The following GPR6 variants were observed in gnomAD, a reference collection of about 807,000 sequenced individuals.
The protein encoded by GPR6 is G protein-coupled receptor 6, also known as sphingosine 1-phosphate receptor GPR6.
GPR6 carries 14 observed loss-of-function variants against 18.5 expected under a neutral mutation model. The ratio of observed to expected loss-of-function variants is 0.76; its 90% confidence interval spans 0.50 to 1.18. The LOEUF (loss-of-function observed/expected upper bound fraction) is 1.18, where lower values mean the gene tolerates loss of function less well. Ranked by LOEUF, GPR6 falls within the 50% of genes most tolerant of loss-of-function variation. GPR6 has a pLI of 0.00. For synonymous variants in GPR6, 299 were observed against 240.9 expected, an observed-to-expected ratio of 1.24 and a Z score of -2.23; for missense variants, 477 against 495.9, an observed-to-expected ratio of 0.96 and a Z score of 0.36.
chr6:109,979,803 T>C lies in GPR6; in HGVS notation c.691T>C (p.Ser231Pro). 1 of 1,601,326 alleles carries C rather than the reference T, an allele frequency of 6.2e-7. No individual in the cohort carries two copies. Among genetic ancestry groups the C allele is most frequent in the Non-Finnish European group, 8.5e-7 (1 of 1,177,928 alleles). The change falls in exon 2 of 2, where the codon TCC becomes CCC. Residue 231 changes from serine (S) to proline (P), a missense_variant. Transcript: ENST00000275169. ...PLARSHVALLSAAFFMVFGIM... is the reference protein window; with the variant it reads ...PLARSHVALLPAAFFMVFGIM... ...GGCGCGCAGCCACGTGGCTCTGCTC[T>C]CCGCCGCCTTCTTCATGGTCTTCGG...
Position 109,980,276 on chromosome 6 carries a change from C to G in GPR6, c.*75C>G. ...CTTTGGTAAGCTCGGTGCCTGCTGA[C>G]GAACTCTGAGATCCCAATGGTGTGA... On this transcript the variant is annotated 3_prime_UTR_variant, in exon 2 of 2. Transcript: ENST00000275169. The G allele has an allele frequency of 6.3e-7, 1 of 1,582,444 alleles. No homozygotes were observed. Among genetic ancestry groups the G allele is most frequent in the Non-Finnish European group, 8.6e-7 (1 of 1,162,254 alleles).
Position 109,980,050 on chromosome 6 carries a change from C to G in GPR6, c.938C>G (p.Ala313Gly). ...GAGGACCCGGCGGTCTACACTTACG[C>G]CACCCTGCTGCCCGCCACCTACAAC... Reference protein sequence around the residue: ...SHEDPAVYTYATLLPATYNSM... With the variant: ...SHEDPAVYTYGTLLPATYNSM... The change falls in exon 2 of 2, where the codon GCC (alanine) becomes GGC (glycine). Residue 313 changes from alanine to glycine, a missense_variant. Coordinates refer to ENST00000275169, the MANE Select transcript of GPR6 (RefSeq NM_005284.5). 6.2e-7 allele frequency: 1 copy of G among 1,614,058 alleles called. No homozygotes were observed. Among genetic ancestry groups the G allele is most frequent in the Non-Finnish European group, 8.5e-7 (1 of 1,180,034 alleles).
chr6:109,979,823 C>T lies in GPR6; in HGVS notation c.711C>T (p.Val237=), dbSNP rs761479274. 146 of 1,605,270 alleles carry T rather than the reference C, an allele frequency of 9.1e-5. 2 individuals are homozygous for T. In the Middle Eastern group the frequency reaches 1.3e-3, roughly 14 times the overall value. ...VALLSAAFFM[V]FGIMLHLYVR... is the part of the protein sequence containing the mutation. ...TGCTCTCCGCCGCCTTCTTCATGGT[C>T]TTCGGCATCATGCTGCACCTGTACG... is the stretch of plus-strand genomic sequence containing the variant. The change falls in exon 2 of 2, where the codon GTC becomes GTT. Residue 237 remains valine, a synonymous_variant. Transcript: ENST00000275169.
Position 109,980,268 on chromosome 6 carries a change from C to A in GPR6, c.*67C>A. On this transcript the variant is annotated 3_prime_UTR_variant, in exon 2 of 2. Coordinates refer to ENST00000275169, the MANE Select transcript of GPR6 (RefSeq NM_005284.5). ...AAGCCAGCCTTTGGTAAGCTCGGTG[C>A]CTGCTGACGAACTCTGAGATCCCAA... 6.3e-7 allele frequency: 1 copy of A among 1,592,206 alleles called. No homozygotes were observed. The highest frequency in any genetic ancestry group is 8.6e-7 in the Non-Finnish European group (1 of 1,169,520).
At position 109,979,093 on chromosome 6, in the gene GPR6, A is replaced by G. The variant is rs1225422664; in HGVS notation, c.-18-2A>G. ...TGACGCCTGCACTCCCTCCCTATGC[A>G]GGGTGCAAATCCGGCCGCGATGAAC... is the stretch of plus-strand genomic sequence containing the variant. On this transcript the variant is annotated splice_acceptor_variant, in intron 1 of 1. Coordinates refer to ENST00000275169, the MANE Select transcript of GPR6 (RefSeq NM_005284.5). LOFTEE classifies it low-confidence loss of function (5UTR_SPLICE). 6.4e-7 allele frequency: 1 copy of G among 1,565,990 alleles called. No individual in the cohort carries two copies. Among genetic ancestry groups the G allele is most frequent in the Admixed American group, 1.9e-5 (1 of 51,576 alleles).
Position 109,979,260 on chromosome 6 carries a change from G to A in GPR6, c.148G>A (p.Ala50Thr), listed in dbSNP as rs756507575. The change falls in exon 2 of 2, where the codon GCT (alanine) becomes ACT (threonine). Residue 50 changes from alanine to threonine, a missense_variant. Physicochemically the swap from Ala to Thr is moderately conservative, Grantham distance 58 (BLOSUM62 0). Coordinates refer to ENST00000275169, the MANE Select transcript of GPR6 (RefSeq NM_005284.5). The part of the protein sequence containing the change: ...AAAALGAGGG[A>T]NGSLELSSQL... ...GGCGGCTCTAGGAGCCGGCGGCGGAGCTAATGGGTCTCTGGAGCTGTCCTC... is the reference window on the plus strand; with the variant it reads ...GGCGGCTCTAGGAGCCGGCGGCGGAACTAATGGGTCTCTGGAGCTGTCCTC... The A allele has an allele frequency of 5.6e-6, 9 of 1,612,260 alleles. No homozygotes were observed. Among genetic ancestry groups the A allele is most frequent in the Non-Finnish European group, 7.6e-6 (9 of 1,179,754 alleles).
At position 109,980,422 on chromosome 6, in the gene GPR6, G is replaced by A. The variant is rs950084467; in HGVS notation, c.*221G>A. Reference sequence around the variant, plus strand: ...TGTGTACATATATATACAAATATTTGTATCTTCTGGAGGTGTTCAGGATGT... The same window carrying A: ...TGTGTACATATATATACAAATATTTATATCTTCTGGAGGTGTTCAGGATGT... On this transcript the variant is annotated 3_prime_UTR_variant, in exon 2 of 2. Transcript: ENST00000275169. The A allele has an allele frequency of 9.9e-6, 6 of 604,720 alleles. No individual in the cohort carries two copies. The highest frequency in any genetic ancestry group is 1.7e-5 in the Non-Finnish European group (6 of 350,034). 37.5% of individuals were successfully genotyped at this position (604,720 alleles called of 1,614,324 possible). A position where few individuals can be genotyped will look rare whatever the true frequency, so the allele number is the denominator to read the frequency against.
rs1320400189 is a variant in GPR6 at position 109,980,403 on chromosome 6, C to CAT, written c.*210_*211dup. 6.3e-6 allele frequency: 4 copies of CAT among 633,778 alleles called. No individual in the cohort carries two copies. The highest frequency in any genetic ancestry group is 1.9e-5 in the African/African-American group (1 of 54,004). The allele number at this position is 633,778 out of a possible 1,614,324, so 39.3% of individuals were successfully genotyped here. A position where few individuals can be genotyped will look rare whatever the true frequency, so the allele number is the denominator to read the frequency against. ...TACATATACAGTGTATACATGTGTA[C>CAT]ATATATATACAAATATTTGTATCTT... On this transcript the variant is annotated 3_prime_UTR_variant, in exon 2 of 2. Transcript: ENST00000275169.
In GPR6 at chr6:109,980,166, G is replaced by C. The variant is rs1562130411; in HGVS notation, c.1054G>C (p.Val352Leu). 1 of 1,614,112 alleles carries C rather than the reference G, an allele frequency of 6.2e-7. No homozygotes were observed. The highest frequency in any genetic ancestry group is 1.7e-5 in the Admixed American group (1 of 60,014). ...LLLCGCFQSK[V>L]PFRSRSPSEV is the part of the protein sequence containing the mutation. ...GCTCTGTGGCTGTTTCCAGTCCAAAGTGCCCTTTCGTTCCAGGTCTCCCAG... is the reference window on the plus strand; with the variant it reads ...GCTCTGTGGCTGTTTCCAGTCCAAACTGCCCTTTCGTTCCAGGTCTCCCAG... The change falls in exon 2 of 2, where the codon GTG (valine) becomes CTG (leucine). Residue 352 changes from valine to leucine, a missense_variant. Physicochemically the swap from Val to Leu is conservative, Grantham distance 32. Transcript: ENST00000275169.
In GPR6 at chr6:109,978,840, C is replaced by T. The variant is rs908706141; in HGVS notation, c.-18-255C>T. The T allele has an allele frequency of 3.3e-6, 5 of 1,535,680 alleles. No individual in the cohort carries two copies. In the African/African-American group the frequency reaches 5.5e-5, roughly 17 times the overall value. ...ATACAGGCAGCCTTGGAGAATTGATCCTTGTGCATGTGAGTGCATGTTGTC... is the reference window on the plus strand; with the variant it reads ...ATACAGGCAGCCTTGGAGAATTGATTCTTGTGCATGTGAGTGCATGTTGTC... On this transcript the variant is annotated intron_variant, in intron 1 of 1. Coordinates refer to ENST00000275169, the MANE Select transcript of GPR6 (RefSeq NM_005284.5).
chr6:109,979,363 C>T lies in GPR6; in HGVS notation c.251C>T (p.Thr84Ile). ...GACGTGCTCCTGTGCGTGTCGGGGACAGTGATCGCTGGAGAAAACGCGCTG... is the reference window on the plus strand; with the variant it reads ...GACGTGCTCCTGTGCGTGTCGGGGATAGTGATCGCTGGAGAAAACGCGCTG... The part of the protein sequence containing the change: ...PWDVLLCVSG[T>I]VIAGENALVV... Residue 84 changes from threonine to isoleucine, a missense_variant, in exon 2 of 2, where the codon ACA (threonine) becomes ATA (isoleucine). Transcript: ENST00000275169. 6.2e-7 allele frequency: 1 copy of T among 1,613,826 alleles called. No homozygotes were observed. Among genetic ancestry groups the T allele is most frequent in the Non-Finnish European group, 8.5e-7 (1 of 1,179,976 alleles).
In GPR6 at chr6:109,980,055, C is replaced by T; in HGVS notation, c.943C>T (p.Leu315=). 7 of 1,614,130 alleles carry T rather than the reference C, an allele frequency of 4.3e-6. No individual in the cohort carries two copies. Among genetic ancestry groups the T allele is most frequent in the Non-Finnish European group, 5.9e-6 (7 of 1,180,032 alleles). ...EDPAVYTYAT[L]LPATYNSMIN... Reference sequence around the variant, plus strand: ...CCCGGCGGTCTACACTTACGCCACCCTGCTGCCCGCCACCTACAACTCCAT... The same window carrying T: ...CCCGGCGGTCTACACTTACGCCACCTTGCTGCCCGCCACCTACAACTCCAT... Residue 315 remains leucine (L), a synonymous_variant, in exon 2 of 2, where the codon CTG becomes TTG. Transcript: ENST00000275169.
intron 1 of GPR6, chr6:109,978,777 T>C (rs984341393): frequency 1.3e-6 from 2 of 1,535,724 alleles, no homozygotes; most frequent in Admixed American, 3.9e-5. Context: ...TCTCCCAGGA[T>C]GACACTCCTA....
chr6:109,979,063 A>G, intron 1 of GPR6, 32 bp from the exon 2 acceptor site: 1 of 1,541,442 alleles, frequency 6.5e-7, no homozygotes, highest in Non-Finnish European at 8.7e-7. Flanking sequence ...CCTGAAGTGT[A>G]CACCTGACGC....
rs1231746252 is a variant in GPR6, at chr6:109,979,346, C to T, written c.234C>T (p.Leu78=). 2 of 1,613,644 alleles carry T rather than the reference C, an allele frequency of 1.2e-6. No individual in the cohort carries two copies. Among genetic ancestry groups the T allele is most frequent in the African/African-American group, 1.3e-5 (1 of 74,934 alleles). ...LLPAVNPWDV[L]LCVSGTVIAG... is the part of the protein sequence containing the mutation. ...CAGCGGTGAATCCGTGGGACGTGCT[C>T]CTGTGCGTGTCGGGGACAGTGATCG... Residue 78 remains leucine (L), a synonymous_variant, in exon 2 of 2, where the codon CTC becomes CTT. Coordinates refer to ENST00000275169, the MANE Select transcript of GPR6 (RefSeq NM_005284.5).
Position 109,978,952 on chromosome 6 carries a change from C to G in GPR6, c.-18-143C>G. 6.5e-6 allele frequency: 10 copies of G among 1,527,826 alleles called. No individual in the cohort carries two copies. In the South Asian group the frequency reaches 1.2e-4, roughly 19 times the overall value. The allele number at this position is 1,527,826 out of a possible 1,614,324, so 94.6% of individuals were successfully genotyped here. ...GTATTTATTTTGGGTTCGCACTTAA[C>G]CCATGATTCCCCGATTTGCTCTGGG... is the stretch of plus-strand genomic sequence containing the variant. On this transcript the variant is annotated intron_variant, in intron 1 of 1. Coordinates refer to ENST00000275169, the MANE Select transcript of GPR6 (RefSeq NM_005284.5).
In GPR6 at chr6:109,980,171, C is replaced by G. The variant is rs1235704837; in HGVS notation, c.1059C>G (p.Pro353=). ...LLCGCFQSKV[P]FRSRSPSEV ...GTGGCTGTTTCCAGTCCAAAGTGCC[C>G]TTTCGTTCCAGGTCTCCCAGCGAGG... The change falls in exon 2 of 2, where the codon CCC becomes CCG. Residue 353 remains proline, a synonymous_variant. Coordinates refer to ENST00000275169, the MANE Select transcript of GPR6 (RefSeq NM_005284.5). 6.2e-7 allele frequency: 1 copy of G among 1,614,112 alleles called. No individual in the cohort carries two copies. Among genetic ancestry groups the G allele is most frequent in the Non-Finnish European group, 8.5e-7 (1 of 1,180,052 alleles).
At position 109,980,242 on chromosome 6, in the gene GPR6, C is replaced by A; in HGVS notation, c.*41C>A. The A allele has an allele frequency of 3.7e-6, 6 of 1,611,354 alleles. No homozygotes were observed. The highest frequency in any genetic ancestry group is 5.1e-6 in the Non-Finnish European group (6 of 1,179,154). ...TCCTCTCACCAACACCACACCCCAA[C>A]AAGCCAGCCTTTGGTAAGCTCGGTG... is the stretch of plus-strand genomic sequence containing the variant. On this transcript the variant is annotated 3_prime_UTR_variant, in exon 2 of 2. Transcript: ENST00000275169.
rs757087578 is a variant in GPR6 at position 109,979,722 on chromosome 6, G to A, written c.610G>A (p.Val204Met). Residue 204 changes from valine (V) to methionine (M), a missense_variant, in exon 2 of 2, where the codon GTG becomes ATG. Transcript: ENST00000275169. ...TVSLGLGLLP[V>M]LGWNCLAERA... ...GTCCCTAGGCCTGGGGCTGCTGCCC[G>A]TGCTGGGCTGGAACTGCCTGGCAGA... is the stretch of plus-strand genomic sequence containing the variant. The A allele has an allele frequency of 6.2e-7, 1 of 1,605,926 alleles. No individual in the cohort carries two copies. Among genetic ancestry groups the A allele is most frequent in the South Asian group, 1.1e-5 (1 of 90,956 alleles).
Sources: allele counts gnomAD v4.1 joint callset, GRCh38; gene constraint gnomAD v4.1.1; transcripts MANE v1.5; gene names NCBI Gene and HGNC (gene_info 2026-07-23, HGNC 2026-07-21).